KYAT3: variants seen among roughly 807,000 people sequenced by gnomAD.
KYAT3 encodes the protein kynurenine aminotransferase 3, also known as kynurenine--oxoglutarate transaminase 3.
KYAT3 carries 50 observed loss-of-function variants against 59.0 expected under a neutral mutation model. The observed-to-expected ratio is 0.85, with a 90% confidence interval of 0.68 to 1.07. KYAT3 has a LOEUF of 1.07. KYAT3 is among the 50% of genes least tolerant of loss of function. The probability of loss-of-function intolerance (pLI) is 0.00; values close to 1 mark genes in which losing one functional copy is unlikely to be tolerated. For synonymous variants in KYAT3, 148 were observed against 177.0 expected (o/e 0.84, Z 1.30); for missense variants, 497 against 533.3 (o/e 0.93, Z 0.67).
upstream of KYAT3, chr1:88,992,898 A>T (rs1015670750): frequency 6.7e-6 from 1 of 150,304 alleles, no homozygotes; most frequent in South Asian, 2.1e-4. Context: ...GCGCGCGATG[A>T]CGGTGGGGTC....
At chr1:88,940,428 G>C (rs375333009) in intron 13 of KYAT3, among the ~76,000 whole-genome samples, 3 of 152,146 alleles carry the variant, frequency 2.0e-5, no homozygotes, top group African/African-American at 7.2e-5. Flanking sequence ...CACTGCCAAA[G>C]CATGCACTAT....
At chr1:88,951,706 C>CT (rs1675683675) in intron 10 of KYAT3, among the ~76,000 whole-genome samples, 3 of 151,354 alleles carry the variant, frequency 2.0e-5, no homozygotes, top group African/African-American at 4.9e-5. Context: ...TTCTAGAAAT[C>CT]TTTTTTATCT....
chr1:88,979,563 A>T (rs573078989), intron 2 of KYAT3: 2 of 152,324 alleles, frequency 1.3e-5, no homozygotes, highest in East Asian at 3.9e-4. Context: ...ACTTCACAGA[A>T]AATATACAAC....
chr1:88,942,519 T>C (rs184137547), intron 13 of KYAT3, among the ~76,000 whole-genome samples: 1 of 152,320 alleles, frequency 6.6e-6, no homozygotes, highest in East Asian at 1.9e-4. Context: ...GGGTCTGTAT[T>C]ATGTTGTCTT....
chr1:88,971,605 A>G (rs1676560092), intron 2 of KYAT3, among the ~76,000 whole-genome samples: 1 of 152,182 alleles, frequency 6.6e-6, no homozygotes, highest in Non-Finnish European at 1.5e-5. Flanking sequence ...AAACAGTGTG[A>G]TAGCTAAGAT....
the KYAT3 span, chr1:88,923,649 C>G: frequency 1.1e-5 from 2 of 184,994 alleles, no homozygotes; most frequent in Non-Finnish European, 2.2e-5. Context: ...CAATCAGAGA[C>G]CGTAGAAGAG....
At chr1:88,927,291 A>C in the KYAT3 span, among the ~76,000 whole-genome samples, 2 of 152,188 alleles carry the variant, frequency 1.3e-5, no homozygotes, top group African/African-American at 4.8e-5. Context: ...ATGCTAAGAA[A>C]GAAACTACTT....
At chr1:88,922,916 T>A in the KYAT3 span, among the ~76,000 whole-genome samples, 1 of 152,202 alleles carries the variant, frequency 6.6e-6, no homozygotes, top group Non-Finnish European at 1.5e-5. Context: ...AAGTGTCCTC[T>A]TTTGCTGTGT....
chr1:88,965,901 A>G (rs1447002152), intron 4 of KYAT3, among the ~76,000 whole-genome samples: 3 of 152,224 alleles, frequency 2.0e-5, no homozygotes, highest in Non-Finnish European at 4.4e-5. Flanking sequence ...AGGTCTAACA[A>G]ATTCTAGCAA....
At chr1:88,977,478 A>G (rs1676837133) in intron 2 of KYAT3, among the ~76,000 whole-genome samples, 2 of 152,190 alleles carry the variant, frequency 1.3e-5, no homozygotes, top group East Asian at 1.9e-4. Context: ...CTGGGATTAT[A>G]GGCGTGAGCC....
At chr1:88,985,590 T>C (rs1322192973) in intron 2 of KYAT3, among the ~76,000 whole-genome samples, 1 of 152,194 alleles carries the variant, frequency 6.6e-6, no homozygotes. Context: ...ACATCAAAAC[T>C]CCTAGTGTGT....
intron 9 of KYAT3, among the ~76,000 whole-genome samples, chr1:88,954,056 C>A (rs763036312): frequency 2.6e-5 from 4 of 152,104 alleles, no homozygotes; most frequent in Non-Finnish European, 5.9e-5. Flanking sequence ...CATGCGCCAC[C>A]ACGCCCAGCT....
chr1:88,953,229 T>C (rs1304937768), intron 9 of KYAT3, 77 bp from the exon 10 acceptor site: 1 of 942,078 alleles, frequency 1.1e-6, no homozygotes, highest in Non-Finnish European at 1.7e-6. Context: ...TTAAACTTAG[T>C]GCAATTGTTA....
In KYAT3 at chr1:88,964,725, T is replaced by C. The variant is rs752024135; in HGVS notation, c.453+104A>G. The C allele has an allele frequency of 4.4e-6, 4 of 918,624 alleles. No individual in the cohort carries two copies. The South Asian group carries it at 6.1e-5, about 14-fold the overall frequency. The allele number at this position is 918,624 out of a possible 1,614,324, so 56.9% of individuals were successfully genotyped here. A position where few individuals can be genotyped will look rare whatever the true frequency, so the allele number is the denominator to read the frequency against. ...TACATGCATTATACTTAAAACATAA[T>C]TAAAAATAAAAAGAGAAAAGAGTAG... is the stretch of plus-strand genomic sequence containing the variant. On this transcript the variant is annotated intron_variant, in intron 5 of 13. Transcript: ENST00000260508.
intron 3 of KYAT3, 45 bp downstream of exon 3, chr1:88,969,364 T>C: frequency 8.5e-7 from 1 of 1,176,060 alleles, no homozygotes; most frequent in Non-Finnish European, 1.3e-6. Context: ...TACGAAAATA[T>C]GTAGGAAACC....
chr1:88,969,085 A>G (rs1365683965), intron 3 of KYAT3, among the ~76,000 whole-genome samples: 1 of 152,218 alleles, frequency 6.6e-6, no homozygotes, highest in Non-Finnish European at 1.5e-5. Context: ...CAACAATTCC[A>G]GCTGCTGCTA....
intron 10 of KYAT3, among the ~76,000 whole-genome samples, chr1:88,950,945 C>CTGTGCTGT (rs1675641964): frequency 2.0e-5 from 3 of 152,212 alleles, no homozygotes; most frequent in Admixed American, 2.0e-4. Context: ...CTACTCTTCT[C>CTGTGCTGT]TCAATCATTC....
chr1:88,967,579 A>G (rs952729501), intron 4 of KYAT3, among the ~76,000 whole-genome samples: 2 of 152,068 alleles, frequency 1.3e-5, no homozygotes, highest in East Asian at 1.9e-4. Flanking sequence ...TTTCATTGAC[A>G]TAGGGCTAGT....
the KYAT3 span, among the ~76,000 whole-genome samples, chr1:88,927,635 A>G: frequency 6.6e-6 from 1 of 152,164 alleles, no homozygotes; most frequent in South Asian, 2.1e-4. Context: ...CAATGAACCA[A>G]AGAGTACCAG....
Sources: allele counts gnomAD v4.1 joint callset (sites outside exome capture counted in the v4.1 genomes callset), GRCh38; gene constraint gnomAD v4.1.1; transcripts MANE v1.5; gene names NCBI Gene and HGNC (gene_info 2026-07-23, HGNC 2026-07-21).